Variants in GABRB1 observed in about 807,000 individuals in gnomAD.
GABRB1 encodes gamma-aminobutyric acid receptor subunit beta-1.
In GABRB1, 17 loss-of-function variants were observed where a neutral mutation model predicts 51.6. The observed-to-expected ratio is 0.33, with a 90% CI of 0.23 to 0.49. GABRB1 has a LOEUF of 0.49. Ranked by LOEUF, GABRB1 falls within the 20% of genes least tolerant of loss-of-function variation. The pLI is 0.99. For missense variants in GABRB1, 410 were observed against 600.6 expected, an observed-to-expected ratio of 0.68 and a Z score of 3.32; for synonymous variants, 247 against 218.9, an observed-to-expected ratio of 1.13 and a Z score of -1.14.
chr4:47,366,520 G>A (rs1726990004), intron 5 of GABRB1, among the ~76,000 whole-genome samples: 1 of 151,980 alleles, frequency 6.6e-6, no homozygotes, highest in Admixed American at 6.6e-5. Flanking sequence ...ATTGTCCATA[G>A]GATAAATTCA....
chr4:47,247,456 T>G (rs796127357), intron 4 of GABRB1, among the ~76,000 whole-genome samples: 31 of 152,314 alleles, frequency 2.0e-4, no homozygotes, highest in African/African-American at 7.0e-4. Context: ...GGTAGTGTGA[T>G]GCCTCCAGAT....
At chr4:47,398,334 T>A (rs892925439) in intron 5 of GABRB1, among the ~76,000 whole-genome samples, 3 of 152,232 alleles carry the variant, frequency 2.0e-5, no homozygotes, top group African/African-American at 7.2e-5. Context: ...CCTGATAGTT[T>A]AACCAGCAGC....
intron 4 of GABRB1, among the ~76,000 whole-genome samples, chr4:47,291,717 A>G (rs920222415): frequency 6.6e-6 from 1 of 152,122 alleles, no homozygotes; most frequent in Non-Finnish European, 1.5e-5. Context: ...TTGGAGCTGT[A>G]AGACTTGAGT....
intron 3 of GABRB1, among the ~76,000 whole-genome samples, chr4:47,107,556 G>A (rs896057838): frequency 2.0e-5 from 3 of 151,956 alleles, no homozygotes; most frequent in African/African-American, 7.2e-5. Context: ...GTGTGACACT[G>A]GGAAAATAAC....
At chr4:47,064,895 G>A (rs1049655893) in intron 3 of GABRB1, among the ~76,000 whole-genome samples, 1 of 152,124 alleles carries the variant, frequency 6.6e-6, no homozygotes, top group Non-Finnish European at 1.5e-5. Context: ...GTTTGTGAAA[G>A]CCAATAGGAT....
At chr4:47,060,490 G>C (rs1305912520) in intron 3 of GABRB1, among the ~76,000 whole-genome samples, 1 of 151,634 alleles carries the variant, frequency 6.6e-6, no homozygotes, top group Non-Finnish European at 1.5e-5. Flanking sequence ...TCTCTTGGTG[G>C]GATTAACTTC....
At chr4:47,362,140 A>T (rs1168284500) in intron 5 of GABRB1, among the ~76,000 whole-genome samples, 1 of 152,154 alleles carries the variant, frequency 6.6e-6, no homozygotes, top group Non-Finnish European at 1.5e-5. Context: ...AAGCCACTGG[A>T]GGAAAGTTAC....
intron 4 of GABRB1, among the ~76,000 whole-genome samples, chr4:47,250,756 C>G (rs1201662526): frequency 6.6e-6 from 1 of 152,104 alleles, no homozygotes; most frequent in Non-Finnish European, 1.5e-5. Context: ...CTGAGAATTT[C>G]CAGAGCATTT....
intron 4 of GABRB1, among the ~76,000 whole-genome samples, chr4:47,303,694 A>G (rs1724347189): frequency 6.6e-6 from 1 of 152,012 alleles, no homozygotes; most frequent in South Asian, 2.1e-4. Context: ...TACATTGTAG[A>G]ATGGCTAAAT....
chr4:47,372,579 C>T (rs879786866), intron 5 of GABRB1, among the ~76,000 whole-genome samples: 2 of 152,210 alleles, frequency 1.3e-5, no homozygotes, highest in African/African-American at 2.4e-5. Context: ...CACCACTCCT[C>T]CTCACCTTAT....
intron 3 of GABRB1, among the ~76,000 whole-genome samples, chr4:47,160,172 C>T (rs567771806): frequency 6.6e-6 from 1 of 151,996 alleles, no homozygotes; most frequent in Non-Finnish European, 1.5e-5. Flanking sequence ...CCAGGGGAAA[C>T]CTAAGTAGAA....
chr4:47,231,344 T>C (rs186293484), intron 4 of GABRB1, among the ~76,000 whole-genome samples: 132 of 152,314 alleles, frequency 8.7e-4, no homozygotes, highest in African/African-American at 3.1e-3. Context: ...GTTAGTCAAT[T>C]GATTTCTTTG....
intron 4 of GABRB1, among the ~76,000 whole-genome samples, chr4:47,281,820 T>A (rs980902665): frequency 2.0e-5 from 3 of 152,188 alleles, no homozygotes; most frequent in African/African-American, 7.2e-5. Flanking sequence ...CATTTATATG[T>A]GGATTTTAAA....
intron 3 of GABRB1, among the ~76,000 whole-genome samples, chr4:47,078,077 C>T (rs1432106723): frequency 6.7e-6 from 1 of 148,244 alleles, no homozygotes; most frequent in Admixed American, 6.9e-5. Context: ...GCAACCTCTA[C>T]CTTCCGGGTT....
At chr4:47,367,901 G>T (rs1283892243) in intron 5 of GABRB1, among the ~76,000 whole-genome samples, 2 of 152,190 alleles carry the variant, frequency 1.3e-5, no homozygotes, top group Non-Finnish European at 2.9e-5. Flanking sequence ...TTGCAGTAAA[G>T]GCTGACTGAT....
rs537395310 is a variant in GABRB1, at chr4:47,056,270, C to G, written c.240+23786C>G. ...TTTTCTGGTAGAGAAAATTTAAAAT[C>G]AATATTTTCACCTTCTTTCTTCTTT... On this transcript the variant is annotated intron_variant, in intron 3 of 8. Transcript: ENST00000295454. Among the ~76,000 whole-genome samples the G allele has an allele frequency of 2.0e-5, 3 of 152,248 alleles. No homozygotes were observed. The East Asian group carries it at 5.8e-4, about 29-fold the overall frequency.
chr4:47,371,314 C>A (rs1034253111), intron 5 of GABRB1, among the ~76,000 whole-genome samples: 1 of 152,140 alleles, frequency 6.6e-6, no homozygotes, highest in South Asian at 2.1e-4. Flanking sequence ...ATATGTACCA[C>A]ATTTTCTTTA....
chr4:47,398,234 C>CCATTA (rs1728248639), intron 5 of GABRB1, among the ~76,000 whole-genome samples: 1 of 151,982 alleles, frequency 6.6e-6, no homozygotes, highest in Non-Finnish European at 1.5e-5. Context: ...ATTTTATACC[C>CCATTA]CATTACCCTA....
chr4:47,403,409 A>G lies in GABRB1; in HGVS notation c.636A>G (p.Ser212=), dbSNP rs537707666. Residue 212 remains serine (S), a synonymous_variant, in exon 6 of 9, where the codon TCA becomes TCG. Coordinates refer to ENST00000295454, the MANE Select transcript of GABRB1 (RefSeq NM_000812.4). ...ATAAAATCGAACTTCCTCAATTTTC[A>G]ATTGTTGACTACAAGATGGTGTCTA... ...GVNKIELPQF[S]IVDYKMVSKK... 3.1e-6 allele frequency: 5 copies of G among 1,614,092 alleles called. No individual in the cohort carries two copies. The highest frequency in any genetic ancestry group is 3.4e-6 in the Non-Finnish European group (4 of 1,179,956).
Sources: allele counts gnomAD v4.1 joint callset (sites outside exome capture counted in the v4.1 genomes callset), GRCh38; gene constraint gnomAD v4.1.1; transcripts MANE v1.5; gene names NCBI Gene and HGNC (gene_info 2026-07-23, HGNC 2026-07-21).